The following CYRIA variants were observed in gnomAD, a reference collection of about 807,000 sequenced individuals.
The protein encoded by CYRIA is CYFIP related Rac1 interactor A.
In CYRIA, 15 loss-of-function variants were observed where a neutral mutation model predicts 43.9. The observed-to-expected ratio is 0.34, with a 90% confidence interval of 0.23 to 0.53. CYRIA has a LOEUF of 0.53. Ranked by LOEUF, CYRIA falls within the 20% of genes least tolerant of loss-of-function variation. The probability of loss-of-function intolerance (pLI) is 0.94; values close to 1 mark genes in which losing one functional copy is unlikely to be tolerated. For missense variants in CYRIA, 236 were observed against 394.2 expected (o/e 0.60, Z 3.40); for synonymous variants, 117 against 136.0 (o/e 0.86, Z 0.97).
intron 3 of CYRIA, among the ~76,000 whole-genome samples, chr2:16,567,936 G>A (rs1012213871): frequency 2.0e-5 from 3 of 152,216 alleles, no homozygotes; most frequent in Non-Finnish European, 4.4e-5. Flanking sequence ...TTCATGAAGA[G>A]AGCACAGCTT....
At chr2:16,565,531 G>C (rs1666897467) in intron 4 of CYRIA, 115 bp downstream of exon 4, 2 of 1,233,782 alleles carry the variant, frequency 1.6e-6, no homozygotes, top group African/African-American at 1.5e-5. Flanking sequence ...TGTTCTTCCT[G>C]GTACTCTAGG....
intron 2 of CYRIA, among the ~76,000 whole-genome samples, chr2:16,601,359 G>A (rs1668200555): frequency 6.6e-6 from 1 of 152,140 alleles, no homozygotes; most frequent in African/African-American, 2.4e-5. Context: ...TACACATTGG[G>A]TGACCCCTCA....
chr2:16,655,960 G>A (rs1385559913), intron 1 of CYRIA, among the ~76,000 whole-genome samples: 1 of 152,080 alleles, frequency 6.6e-6, no homozygotes, highest in Non-Finnish European at 1.5e-5. Flanking sequence ...GCCAGTTAAT[G>A]TCAGAATTGC....
At chr2:16,603,639 G>A (rs1668282427) in intron 2 of CYRIA, among the ~76,000 whole-genome samples, 1 of 152,176 alleles carries the variant, frequency 6.6e-6, no homozygotes, top group South Asian at 2.1e-4. Flanking sequence ...ATGTCTTGTG[G>A]GCCATGCAAC....
intron 1 of CYRIA, among the ~76,000 whole-genome samples, chr2:16,659,848 TA>T (rs1301917275): frequency 1.3e-5 from 2 of 152,178 alleles, no homozygotes; most frequent in African/African-American, 2.4e-5. Flanking sequence ...CACATTGCAG[TA>T]ACCAAGGCAT....
intron 3 of CYRIA, among the ~76,000 whole-genome samples, chr2:16,579,051 G>T (rs551716867): frequency 3.3e-5 from 5 of 152,118 alleles, no homozygotes; most frequent in Non-Finnish European, 7.4e-5. Flanking sequence ...GGGGAGCAAT[G>T]ATAAAAATGG....
chr2:16,593,203 A>T (rs1667989092), intron 2 of CYRIA, among the ~76,000 whole-genome samples: 1 of 152,204 alleles, frequency 6.6e-6, no homozygotes, highest in Non-Finnish European at 1.5e-5. Flanking sequence ...TGTCCCCAGC[A>T]TCATATGATT....
rs151009529 is a variant in CYRIA at position 16,616,762 on chromosome 2, T to A, written c.-11+7102A>T. 2.3e-3 allele frequency among the ~76,000 whole-genome samples: 350 copies of A among 152,364 alleles called. 1 individual carries two copies. Among genetic ancestry groups the A allele is most frequent in the African/African-American group, 7.8e-3 (326 of 41,594 alleles). ...AAAATTGCTAACAATCACAGAGTCC[T>A]TACAGTGCCCCAGGCACTTTTCCAA... is the stretch of plus-strand genomic sequence containing the variant. On this transcript the variant is annotated intron_variant, in intron 2 of 11. Transcript: ENST00000381323.
intron 3 of CYRIA, among the ~76,000 whole-genome samples, chr2:16,575,380 G>A (rs1466614412): frequency 2.6e-5 from 4 of 152,138 alleles, no homozygotes; most frequent in Admixed American, 6.5e-5. Flanking sequence ...GAGGACATGA[G>A]ATTTGGGAAG....
chr2:16,636,592 C>G (rs539046779), intron 1 of CYRIA, among the ~76,000 whole-genome samples: 2 of 152,236 alleles, frequency 1.3e-5, no homozygotes, highest in South Asian at 4.1e-4. Context: ...GTGTCCAGTG[C>G]TGAGTCACCT....
intron 2 of CYRIA, among the ~76,000 whole-genome samples, chr2:16,590,048 G>T (rs1415203049): frequency 6.7e-6 from 1 of 148,388 alleles, no homozygotes; most frequent in Non-Finnish European, 1.5e-5. Context: ...TGAGGTGTAG[G>T]AATATATTTG....
intron 1 of CYRIA, among the ~76,000 whole-genome samples, chr2:16,628,465 T>C (rs929038705): frequency 1.4e-4 from 21 of 152,302 alleles, no homozygotes; most frequent in African/African-American, 5.1e-4. Context: ...ACAGCCAGCT[T>C]CTGGGCTGTC....
chr2:16,604,191 G>A (rs1238504032), intron 2 of CYRIA, among the ~76,000 whole-genome samples: 1 of 152,232 alleles, frequency 6.6e-6, no homozygotes, highest in Non-Finnish European at 1.5e-5. Context: ...CAGAGTAGAG[G>A]AAAACAGTCC....
chr2:16,621,415 C>G (rs1361654282), intron 2 of CYRIA, among the ~76,000 whole-genome samples: 1 of 152,168 alleles, frequency 6.6e-6, no homozygotes, highest in Non-Finnish European at 1.5e-5. Flanking sequence ...GGGGCCCAGA[C>G]TCATTAATCT....
chr2:16,658,889 G>C (rs1670179539), intron 1 of CYRIA, among the ~76,000 whole-genome samples: 1 of 152,136 alleles, frequency 6.6e-6, no homozygotes, highest in African/African-American at 2.4e-5. Context: ...TCCTTCCCAT[G>C]ACTGCAAGCT....
intron 3 of CYRIA, among the ~76,000 whole-genome samples, chr2:16,578,252 T>C (rs879926543): frequency 3.3e-5 from 5 of 152,118 alleles, no homozygotes; most frequent in Admixed American, 6.5e-5. Context: ...ACCCCACTAG[T>C]GGACTGACAG....
chr2:16,562,038 A>C lies in CYRIA; in HGVS notation c.402T>G (p.Ile134Met). 6.2e-7 allele frequency: 1 copy of C among 1,613,466 alleles called. No homozygotes were observed. The highest frequency in any genetic ancestry group is 8.5e-7 in the Non-Finnish European group (1 of 1,179,612). The change falls in exon 6 of 12, where the codon ATT (isoleucine) becomes ATG (methionine). Residue 134 changes from isoleucine (I) to methionine (M), a missense_variant. Physicochemically the swap from Ile to Met is conservative, Grantham distance 10 (BLOSUM62 1). Coordinates refer to ENST00000381323, the MANE Select transcript of CYRIA (RefSeq NM_030797.4). Reference protein sequence around the residue: ...EQALAKEFAEILHFTLRFDEL... With the variant: ...EQALAKEFAEMLHFTLRFDEL... The stretch of plus-strand genomic sequence containing the variant: ...CATCGAATCGAAGGGTAAAATGTAA[A>C]ATTTCGGCAAACTCCTTTGCCAGGG...
chr2:16,634,461 G>A (rs1669432222), intron 1 of CYRIA, among the ~76,000 whole-genome samples: 1 of 152,198 alleles, frequency 6.6e-6, no homozygotes, highest in South Asian at 2.1e-4. Flanking sequence ...CCCCCTTCTG[G>A]GGAACTTCAT....
chr2:16,590,628 T>C (rs1405707023), intron 2 of CYRIA, among the ~76,000 whole-genome samples: 1 of 152,156 alleles, frequency 6.6e-6, no homozygotes, highest in African/African-American at 2.4e-5. Context: ...AAATATTGGC[T>C]GTGGAATTCT....
Sources: allele counts gnomAD v4.1 joint callset (sites outside exome capture counted in the v4.1 genomes callset), GRCh38; gene constraint gnomAD v4.1.1; transcripts MANE v1.5; gene names NCBI Gene and HGNC (gene_info 2026-07-23, HGNC 2026-07-21).